DPYD: variants seen among roughly 807,000 people sequenced by gnomAD.
DPYD encodes dihydropyrimidine dehydrogenase [NADP(+)].
Under a neutral mutation model 116.2 loss-of-function variants are expected in DPYD, and 109 were observed. The ratio of observed to expected loss-of-function variants is 0.94; its 90% CI spans 0.80 to 1.10. The LOEUF (loss-of-function observed/expected upper bound fraction) is 1.10. Ranked by LOEUF, DPYD falls within the 50% of genes least tolerant of loss-of-function variation. The pLI, the probability that DPYD is intolerant of heterozygous loss-of-function variation, is 0.00. For synonymous variants in DPYD, 440 were observed against 432.0 expected (o/e 1.02, Z -0.23); for missense variants, 1,302 against 1,254.5 (o/e 1.04, Z -0.57).
At chr1:97,101,408 A>C (rs1650672839) in intron 20 of DPYD, among the ~76,000 whole-genome samples, 1 of 151,174 alleles carries the variant, frequency 6.6e-6, no homozygotes, top group South Asian at 2.1e-4. Context: ...CCCGCAACAA[A>C]GGATCAACCG....
chr1:97,452,784 C>G (rs1386853994), intron 13 of DPYD, among the ~76,000 whole-genome samples: 1 of 152,034 alleles, frequency 6.6e-6, no homozygotes, highest in Non-Finnish European at 1.5e-5. Context: ...CTCCCCCTTC[C>G]CCTTCTGCCT....
chr1:97,662,448 T>C lies in DPYD; in HGVS notation c.850+16647A>G, dbSNP rs112754651. On this transcript the variant is annotated intron_variant, in intron 8 of 22. Transcript: ENST00000370192. ...GAGATCGAGACCATCCTGGCCAACA[T>C]GGAGAAACTCCATCTCTACTAAAAA... Among the ~76,000 whole-genome samples, 766 of 151,482 alleles carry C rather than the reference T, an allele frequency of 5.1e-3. 5 individuals are homozygous for C. The highest frequency in any genetic ancestry group is 0.018 in the African/African-American group (725 of 41,336).
chr1:97,658,480 T>A (rs1057372214), intron 8 of DPYD, among the ~76,000 whole-genome samples: 7 of 152,302 alleles, frequency 4.6e-5, no homozygotes, highest in South Asian at 2.1e-4. Context: ...ATTTAAAACA[T>A]CGTGTAATTC....
At chr1:97,352,087 A>T (rs928283418) in intron 16 of DPYD, among the ~76,000 whole-genome samples, 41 of 152,260 alleles carry the variant, frequency 2.7e-4, no homozygotes, top group African/African-American at 9.9e-4. Context: ...AACTTTCTAA[A>T]ATGATGCAGT....
chr1:97,540,095 T>C (rs1650313198), intron 12 of DPYD, among the ~76,000 whole-genome samples: 1 of 152,096 alleles, frequency 6.6e-6, no homozygotes, highest in African/African-American at 2.4e-5. Flanking sequence ...GGACACAAGC[T>C]GAATGTCTTC....
chr1:97,883,176 C>T, intron 2 of DPYD, 88 bp downstream of exon 2: 1 of 836,314 alleles, frequency 1.2e-6, no homozygotes. Flanking sequence ...ACTTTAATAC[C>T]TTATTTCTAA....
chr1:97,219,704 T>C (rs971518550), intron 19 of DPYD, among the ~76,000 whole-genome samples: 8 of 152,124 alleles, frequency 5.3e-5, no homozygotes, highest in African/African-American at 1.9e-4. Context: ...AAGTACAAAG[T>C]AGAAAAGGCC....
chr1:97,214,255 A>G (rs1660230399), intron 19 of DPYD, among the ~76,000 whole-genome samples: 1 of 152,170 alleles, frequency 6.6e-6, no homozygotes, highest in Non-Finnish European at 1.5e-5. Flanking sequence ...TGGTAAAACT[A>G]TTATAAAATT....
intron 13 of DPYD, among the ~76,000 whole-genome samples, chr1:97,469,410 A>AAAG (rs771421956): frequency 0.013 from 1,296 of 96,132 alleles, 8 homozygotes; most frequent in Non-Finnish European, 0.024. Flanking sequence ...AAAAAAAAAA[A>AAAG]AAAAAAAAAA....
intron 18 of DPYD, among the ~76,000 whole-genome samples, chr1:97,298,301 GTAT>G (rs1666653583): frequency 6.6e-6 from 1 of 151,970 alleles, no homozygotes; most frequent in African/African-American, 2.4e-5. Flanking sequence ...CAAGCCTTAT[GTAT>G]CAGAAACTCT....
chr1:97,258,141 T>C (rs1296966182), intron 18 of DPYD, among the ~76,000 whole-genome samples: 1 of 152,078 alleles, frequency 6.6e-6, no homozygotes, highest in African/African-American at 2.4e-5. Context: ...GAGACAAGGC[T>C]AGATGGAGAG....
intron 8 of DPYD, among the ~76,000 whole-genome samples, chr1:97,626,198 C>G (rs919678738): frequency 2.0e-5 from 3 of 151,990 alleles, no homozygotes; most frequent in Non-Finnish European, 4.4e-5. Flanking sequence ...GAGTCTCTTG[C>G]ATTTTGTCAG....
intron 16 of DPYD, among the ~76,000 whole-genome samples, chr1:97,308,641 C>T (rs1353738540): frequency 1.3e-5 from 2 of 151,648 alleles, no homozygotes; most frequent in African/African-American, 2.4e-5. Flanking sequence ...TTTATATTTT[C>T]CTGGTTTCTT....
At chr1:97,281,975 G>A (rs773242880) in intron 18 of DPYD, among the ~76,000 whole-genome samples, 4 of 152,026 alleles carry the variant, frequency 2.6e-5, no homozygotes, top group Non-Finnish European at 5.9e-5. Context: ...AAGAGTTTTT[G>A]CACATAAGTT....
intron 8 of DPYD, among the ~76,000 whole-genome samples, chr1:97,625,202 C>T (rs1656858937): frequency 6.6e-6 from 1 of 151,976 alleles, no homozygotes; most frequent in South Asian, 2.1e-4. Flanking sequence ...AATATTATAA[C>T]ATCATCTTAT....
intron 8 of DPYD, among the ~76,000 whole-genome samples, chr1:97,676,264 G>C (rs1660140887): frequency 6.6e-6 from 1 of 152,100 alleles, no homozygotes; most frequent in South Asian, 2.1e-4. Context: ...TGTCCACCCA[G>C]CAAAAGGCAA....
intron 15 of DPYD, among the ~76,000 whole-genome samples, chr1:97,381,384 C>A (rs1472285991): frequency 6.6e-6 from 1 of 152,084 alleles, no homozygotes. Context: ...GAGAAGCAAG[C>A]GGCATGATAA....
At chr1:97,144,367 A>G (rs933176162) in intron 20 of DPYD, among the ~76,000 whole-genome samples, 4 of 152,218 alleles carry the variant, frequency 2.6e-5, no homozygotes, top group Non-Finnish European at 5.9e-5. Context: ...GTAAAATTAC[A>G]GTCCCCAAAT....
At chr1:97,519,973 T>C (rs943459537) in intron 12 of DPYD, among the ~76,000 whole-genome samples, 1 of 152,132 alleles carries the variant, frequency 6.6e-6, no homozygotes, top group Non-Finnish European at 1.5e-5. Flanking sequence ...ATTAATTACA[T>C]TGAAAATATT....
Sources: allele counts gnomAD v4.1 joint callset (sites outside exome capture counted in the v4.1 genomes callset), GRCh38; gene constraint gnomAD v4.1.1; transcripts MANE v1.5; gene names NCBI Gene and HGNC (gene_info 2026-07-23, HGNC 2026-07-21).